The following RASAL2 variants were observed in gnomAD, a reference collection of about 807,000 sequenced individuals.
The protein encoded by RASAL2 is RAS protein activator like 2.
A neutral mutation model predicts 128.9 loss-of-function variants in RASAL2; 58 were observed. The observed-to-expected ratio is 0.45, with a 90% CI of 0.36 to 0.56. The LOEUF is 0.56. RASAL2 is among the 20% of genes least tolerant of loss of function. The pLI, the probability that RASAL2 is intolerant of heterozygous loss-of-function variation, is 0.00. For missense variants in RASAL2, 1,360 were observed against 1,601.6 expected, an observed-to-expected ratio of 0.85 and a Z score of 2.57; for synonymous variants, 561 against 580.8, an observed-to-expected ratio of 0.97 and a Z score of 0.49.
At chr1:178,103,996 T>C (rs1392440143) in intron 1 of RASAL2, among the ~76,000 whole-genome samples, 1 of 152,124 alleles carries the variant, frequency 6.6e-6, no homozygotes, top group African/African-American at 2.4e-5. Flanking sequence ...TTCTTTTTTT[T>C]TCCCCCTCTA....
At chr1:178,172,525 A>G (rs1389666642) in intron 1 of RASAL2, among the ~76,000 whole-genome samples, 1 of 152,054 alleles carries the variant, frequency 6.6e-6, no homozygotes, top group Non-Finnish European at 1.5e-5. Flanking sequence ...TGTTGTAGCA[A>G]ATATTTTGTG....
At chr1:178,224,651 CAG>C (rs1219846062) in intron 1 of RASAL2, among the ~76,000 whole-genome samples, 2 of 152,098 alleles carry the variant, frequency 1.3e-5, no homozygotes, top group East Asian at 3.8e-4. Context: ...GTTCTAGTAA[CAG>C]AATTCTAGAA....
chr1:178,114,594 T>G (rs1659456542), intron 1 of RASAL2, among the ~76,000 whole-genome samples: 2 of 151,986 alleles, frequency 1.3e-5, no homozygotes, highest in Admixed American at 1.3e-4. Context: ...GGATATCTGC[T>G]CACTGCAAGC....
chr1:178,259,165 C>A, intron 1 of RASAL2, among the ~76,000 whole-genome samples: 1 of 117,030 alleles, frequency 8.5e-6, no homozygotes, highest in Non-Finnish European at 1.6e-5. Context: ...GAGTCTCGCT[C>A]TGTGGCCCAG....
At chr1:178,321,383 G>A (rs1441444379) in intron 3 of RASAL2, among the ~76,000 whole-genome samples, 2 of 152,006 alleles carry the variant, frequency 1.3e-5, no homozygotes. Context: ...ACCGCGCCCC[G>A]CCTCAATAAT....
At chr1:178,255,420 A>G (rs894955956) in intron 1 of RASAL2, among the ~76,000 whole-genome samples, 2 of 152,178 alleles carry the variant, frequency 1.3e-5, no homozygotes, top group African/African-American at 4.8e-5. Context: ...ATATCATAGT[A>G]TATTTGCTAA....
chr1:178,454,397 C>G (rs1677618754), intron 11 of RASAL2, 50 bp from the exon 12 acceptor site: 1 of 1,434,390 alleles, frequency 7.0e-7, no homozygotes, highest in East Asian at 2.3e-5. Flanking sequence ...TCAAAATGAT[C>G]ATATCTCTCT....
intron 2 of RASAL2, 86 bp from the exon 3 acceptor site, chr1:178,299,906 C>T: frequency 7.1e-7 from 1 of 1,409,758 alleles, no homozygotes. Context: ...ACACTCCTGT[C>T]TTCTTTGACT....
chr1:178,237,608 C>T (rs1037356526), intron 1 of RASAL2, among the ~76,000 whole-genome samples: 1 of 152,208 alleles, frequency 6.6e-6, no homozygotes, highest in Non-Finnish European at 1.5e-5. Context: ...TTTACATATA[C>T]TTGCATACAC....
intron 4 of RASAL2, chr1:178,411,829 A>G: frequency 1.3e-6 from 1 of 763,876 alleles, no homozygotes; most frequent in Non-Finnish European, 2.4e-6. Context: ...GCCAGGTATC[A>G]CTGCCCTACA....
At chr1:178,153,157 T>C (rs1660970333) in intron 1 of RASAL2, among the ~76,000 whole-genome samples, 1 of 152,174 alleles carries the variant, frequency 6.6e-6, no homozygotes, top group Non-Finnish European at 1.5e-5. Flanking sequence ...TTATCTTGTA[T>C]AGTTTCCCAT....
chr1:178,296,782 C>T (rs180991239), intron 2 of RASAL2, among the ~76,000 whole-genome samples: 24 of 151,314 alleles, frequency 1.6e-4, no homozygotes, highest in Admixed American at 9.9e-4. Flanking sequence ...AAGCAGTTCT[C>T]CTGCCTCAGC....
intron 1 of RASAL2, among the ~76,000 whole-genome samples, chr1:178,112,310 G>T (rs1361682660): frequency 6.6e-6 from 1 of 152,056 alleles, no homozygotes; most frequent in Non-Finnish European, 1.5e-5. Context: ...CTAGCACTTT[G>T]GGAGGCCAAG....
chr1:178,141,591 GGCC>G (rs112661163), intron 1 of RASAL2, among the ~76,000 whole-genome samples: 3,165 of 152,070 alleles, frequency 0.021, 97 homozygotes, highest in African/African-American at 0.069. Context: ...TGGGGAGGTT[GGCC>G]GTCGACTGCT....
At position 178,441,549 on chromosome 1, in the gene RASAL2, G is replaced by T. The variant is rs764445392; in HGVS notation, c.829G>T (p.Val277Phe). 9.9e-6 allele frequency: 16 copies of T among 1,610,600 alleles called. No individual in the cohort carries two copies. The Middle Eastern group carries it at 1.7e-3, about 166-fold the overall frequency. ...CTTATGTCTAATTTTTATGTTGAAG[G>T]TTACCTACTTAAGTGGAAGTAAATG... ...SILGQDFCFE[V>F]TYLSGSKCFS... The change falls in exon 7 of 18, where the codon GTT becomes TTT. Residue 277 changes from valine (V) to phenylalanine (F), a missense_variant and splice_region_variant. Coordinates refer to ENST00000367649, the MANE Select transcript of RASAL2 (RefSeq NM_170692.4).
At chr1:178,392,254 C>T (rs1176324379) in intron 4 of RASAL2, among the ~76,000 whole-genome samples, 1 of 152,078 alleles carries the variant, frequency 6.6e-6, no homozygotes, top group African/African-American at 2.4e-5. Flanking sequence ...AAGGCTTTGA[C>T]AAGGAGCAGC....
chr1:178,130,926 T>C (rs967930672), intron 1 of RASAL2, among the ~76,000 whole-genome samples: 43 of 151,842 alleles, frequency 2.8e-4, no homozygotes, highest in Non-Finnish European at 3.5e-4. Context: ...CGGTGGTGGG[T>C]GCCTGTAGTC....
chr1:178,473,206 G>A lies in RASAL2; in HGVS notation c.3810G>A (p.Thr1270=), dbSNP rs192202231. Residue 1270 remains threonine, a synonymous_variant, in exon 18 of 18, where the codon ACG becomes ACA. Coordinates refer to ENST00000367649, the MANE Select transcript of RASAL2 (RefSeq NM_170692.4). ...SPTNPTKLSI[T]ENGEFKNSSC ...CCAACCCCACCAAGCTTTCCATCAC[G>A]GAGAATGGTGAATTCAAAAACAGCA... 11 of 1,614,170 alleles carry A rather than the reference G, an allele frequency of 6.8e-6. No homozygotes were observed. Among genetic ancestry groups the A allele is most frequent in the African/African-American group, 1.3e-5 (1 of 75,054 alleles).
chr1:178,457,005 C>G (rs1677824163), intron 13 of RASAL2, 106 bp downstream of exon 13: 1 of 1,084,180 alleles, frequency 9.2e-7, no homozygotes, highest in Non-Finnish European at 1.3e-6. Flanking sequence ...AAATCATGAG[C>G]AACTGAAGAC....
Sources: gnomAD v4.1 joint callset for allele counts (sites outside exome capture counted in the v4.1 genomes callset) on GRCh38, gnomAD v4.1.1 for gene constraint, MANE v1.5 for transcripts, NCBI Gene and HGNC (gene_info 2026-07-23, HGNC 2026-07-21) for gene names.